Variants in ENGASE observed in about 807,000 individuals in gnomAD.
The protein encoded by ENGASE is cytosolic endo-beta-N-acetylglucosaminidase.
Under a neutral mutation model 78.5 loss-of-function variants are expected in ENGASE, and 69 were observed. The ratio of observed to expected loss-of-function variants is 0.88; its 90% confidence interval spans 0.72 to 1.07. ENGASE has a LOEUF of 1.07. Among genes scored for constraint, ENGASE ranks in the 50% least tolerant of loss-of-function variants. The probability of loss-of-function intolerance (pLI) is 0.00; values close to 1 mark genes in which losing one functional copy is unlikely to be tolerated. For missense variants in ENGASE, 943 were observed against 988.4 expected (o/e 0.95, Z 0.62); for synonymous variants, 408 against 408.9 (o/e 1.00, Z 0.03).
At position 79,081,894 on chromosome 17, in the gene ENGASE, T is replaced by C. The variant is rs754506733; in HGVS notation, c.873-4T>C. On this transcript the variant is annotated splice_polypyrimidine_tract_variant and splice_region_variant and intron_variant, in intron 6 of 13. Coordinates refer to ENST00000579016, the MANE Select transcript of ENGASE (RefSeq NM_001042573.3). ...CCTCACAGCAGGTCCTTGTTGCTTC[T>C]CAGGGTCTTCTTTGATTCCTGCGAC... The C allele has an allele frequency of 5.6e-6, 9 of 1,608,488 alleles. No homozygotes were observed. Among genetic ancestry groups the C allele is most frequent in the Non-Finnish European group, 7.6e-6 (9 of 1,176,592 alleles).
rs200250575 is a variant in ENGASE at position 79,082,010 on chromosome 17, G to A, written c.985G>A (p.Val329Met). The change falls in exon 7 of 14, where the codon GTG becomes ATG. Residue 329 changes from valine to methionine, a missense_variant. Transcript: ENST00000579016. Reference protein sequence around the residue: ...GERRADVYVGVDVFARGNVVG... With the variant: ...GERRADVYVGMDVFARGNVVG... ...GCGCCGGGCTGATGTGTACGTGGGC[G>A]TGGATGTGTTTGCTCGAGGGAACGT... The A allele has an allele frequency of 4.6e-4, 746 of 1,614,116 alleles. No homozygotes were observed. The highest frequency in any genetic ancestry group is 5.6e-4 in the Non-Finnish European group (662 of 1,180,038).
chr17:79,081,558 C>T (rs111384581), intron 6 of ENGASE, among the ~76,000 whole-genome samples: 10,196 of 151,918 alleles, frequency 0.067, 1,154 homozygotes, highest in African/African-American at 0.23. Flanking sequence ...GGATGCTGGG[C>T]GAGGGTTTCA....
Position 79,083,928 on chromosome 17 carries a change from G to T in ENGASE, c.1419G>T (p.Pro473=), listed in dbSNP as rs761156358. The stretch of plus-strand genomic sequence containing the variant: ...TGCTCGTCCGGGGTGTGATCCCACC[G>T]GAGGTTGGAAATGTGGCTGTGAGGT... ...SSLLVRGVIP[P]EVGNVAVRLF... Residue 473 remains proline, a synonymous_variant, in exon 10 of 14, where the codon CCG becomes CCT. Coordinates refer to ENST00000579016, the MANE Select transcript of ENGASE (RefSeq NM_001042573.3). This position sits in a 1 kb window ranked among gnomAD's most constrained non-coding sequence, Gnocchi z 4.9. 6.8e-6 allele frequency: 11 copies of T among 1,610,428 alleles called. No homozygotes were observed. The highest frequency in any genetic ancestry group is 2.0e-4 in the Middle Eastern group (1 of 4,900).
rs912016596 is a variant in ENGASE at position 79,083,301 on chromosome 17, C to T, written c.1142+178C>T. 3 of 692,886 alleles carry T rather than the reference C, an allele frequency of 4.3e-6. No homozygotes were observed. The highest frequency in any genetic ancestry group is 7.3e-6 in the Non-Finnish European group (3 of 413,126). 42.9% of individuals were successfully genotyped at this position (692,886 alleles called of 1,614,324 possible). A position where few individuals can be genotyped will look rare whatever the true frequency, so the allele number is the denominator to read the frequency against. ...GCTTCCGGGCAGGGACCAAACCCAGCGGCCGCTTCCTGCAGACTCGTGTTT... is the reference window on the plus strand; with the variant it reads ...GCTTCCGGGCAGGGACCAAACCCAGTGGCCGCTTCCTGCAGACTCGTGTTT... On this transcript the variant is annotated intron_variant, in intron 8 of 13. Coordinates refer to ENST00000579016, the MANE Select transcript of ENGASE (RefSeq NM_001042573.3). This position sits in a 1 kb window ranked among gnomAD's most constrained non-coding sequence, Gnocchi z 4.9.
intron 11 of ENGASE, 102 bp downstream of exon 11, chr17:79,084,788 A>G: frequency 7.6e-7 from 1 of 1,313,412 alleles, no homozygotes; most frequent in South Asian, 1.3e-5. Context: ...TGGTGTGGAC[A>G]GTGGGGGGGT....
intron 1 of ENGASE, chr17:79,075,684 G>A (rs1599328974): frequency 2.0e-6 from 2 of 985,288 alleles, no homozygotes; most frequent in Non-Finnish European, 2.4e-6. Context: ...CCCTCAGTAG[G>A]TTGCAGGGGG....
chr17:79,081,775 G>T lies in ENGASE; in HGVS notation c.873-123G>T, dbSNP rs1002874972. On this transcript the variant is annotated intron_variant, in intron 6 of 13. Transcript: ENST00000579016. ...GTGGGGTGGGGTGGGGTGGGGTGGG[G>T]TGGGGTGGGGTGGGCCCATCCCTCT... 4.0e-6 allele frequency: 5 copies of T among 1,253,216 alleles called. No homozygotes were observed. In the African/African-American group the frequency reaches 6.3e-5, roughly 16 times the overall value. The allele number at this position is 1,253,216 out of a possible 1,614,324, so 77.6% of individuals were successfully genotyped here.
At position 79,075,618 on chromosome 17, in the gene ENGASE, C is replaced by G. The variant is rs7214644; in HGVS notation, c.146+528C>G. The G allele has an allele frequency of 1.9e-4, 164 of 858,624 alleles. No individual in the cohort carries two copies. The African/African-American group carries it at 2.9e-3, about 15-fold the overall frequency. The allele number at this position is 858,624 out of a possible 1,614,324, so 53.2% of individuals were successfully genotyped here. A position where few individuals can be genotyped will look rare whatever the true frequency, so the allele number is the denominator to read the frequency against. On this transcript the variant is annotated intron_variant, in intron 1 of 13. Transcript: ENST00000579016. ...ACAGAGACAGAAAGGGACGAACATG[C>G]CCCTCTGGGCTGGGCTTCCTTCCTT...
chr17:79,086,246 A>G lies in ENGASE; in HGVS notation c.2129A>G (p.Asp710Gly), dbSNP rs768601324. Residue 710 changes from aspartate to glycine, a missense_variant, in exon 14 of 14, where the codon GAT (aspartate) becomes GGT (glycine). Asp to Gly is a moderately conservative substitution (Grantham distance 94, BLOSUM62 -1). Transcript: ENST00000579016. ...LLVEAAGPGQDRRMEFLVEPV... is the reference protein window; with the variant it reads ...LLVEAAGPGQGRRMEFLVEPV... ...GTGGAAGCCGCCGGGCCCGGCCAGG[A>G]TCGTCGCATGGAATTTCTGGTGGAG... 2 of 1,613,498 alleles carry G rather than the reference A, an allele frequency of 1.2e-6. No homozygotes were observed. Among genetic ancestry groups the G allele is most frequent in the South Asian group, 1.1e-5 (1 of 91,082 alleles).
chr17:79,083,481 G>A lies in ENGASE; in HGVS notation c.1143-1G>A. The stretch of plus-strand genomic sequence containing the variant: ...AGCTGTTGCCCCCATGTCTCTGGCA[G>A]GTTCTGGGGCCGACTGGAGCGTTAT... On this transcript the variant is annotated splice_acceptor_variant, in intron 8 of 13. Transcript: ENST00000579016. LOFTEE classifies it high-confidence loss of function. The surrounding 1 kb of genome is among the most constrained non-coding windows in gnomAD (Gnocchi z 4.9). The A allele has an allele frequency of 5.6e-6, 9 of 1,613,078 alleles. No homozygotes were observed. Among genetic ancestry groups the A allele is most frequent in the Non-Finnish European group, 7.6e-6 (9 of 1,179,146 alleles).
chr17:79,085,778 C>T (rs757064242), intron 13 of ENGASE, 44 bp downstream of exon 13: 15 of 1,606,366 alleles, frequency 9.3e-6, no homozygotes, highest in East Asian at 4.5e-5. Flanking sequence ...GCTGTTTGTC[C>T]AGCTGGAGTG....
In ENGASE at chr17:79,082,557, G is replaced by A. The variant is rs141861223; in HGVS notation, c.1039-463G>A. Reference sequence around the variant, plus strand: ...ACAGAGGAAGGAGCGGGGCCAGGCCGGTGCCCCTGGCGTGGGATGCGCAGG... The same window carrying A: ...ACAGAGGAAGGAGCGGGGCCAGGCCAGTGCCCCTGGCGTGGGATGCGCAGG... On this transcript the variant is annotated intron_variant, in intron 7 of 13. Coordinates refer to ENST00000579016, the MANE Select transcript of ENGASE (RefSeq NM_001042573.3). 639 of 1,224,162 alleles carry A rather than the reference G, an allele frequency of 5.2e-4. 1 individual carries two copies. Among genetic ancestry groups the A allele is most frequent in the East Asian group, 3.7e-3 (66 of 17,786 alleles). The allele number at this position is 1,224,162 out of a possible 1,614,324, so 75.8% of individuals were successfully genotyped here. A position where few individuals can be genotyped will look rare whatever the true frequency, so the allele number is the denominator to read the frequency against.
rs561966075 is a variant in ENGASE, at chr17:79,086,070, G to A, written c.1953G>A (p.Trp651Ter). The A allele has an allele frequency of 3.7e-5, 59 of 1,613,526 alleles. 1 individual carries two copies. In the South Asian group the frequency reaches 6.3e-4, roughly 17 times the overall value. ...ALLQLSCTLH[W>*]SFLLSQVRCF... ...TCCAGCTCAGCTGCACCCTGCACTGGTCCTTCCTCCTCTCACAAGTCCGTT... is the reference window on the plus strand; with the variant it reads ...TCCAGCTCAGCTGCACCCTGCACTGATCCTTCCTCCTCTCACAAGTCCGTT... The change falls in exon 14 of 14, where the codon TGG becomes TGA. Residue 651 changes from tryptophan (W) to a stop codon, truncating the protein, a stop_gained. Coordinates refer to ENST00000579016, the MANE Select transcript of ENGASE (RefSeq NM_001042573.3). LOFTEE classifies it low-confidence loss of function (END_TRUNC).
rs1302739863 is a variant in ENGASE, at chr17:79,083,066, C to T, written c.1085C>T (p.Ala362Val). The change falls in exon 8 of 14, where the codon GCC becomes GTC. Residue 362 changes from alanine (A) to valine (V), a missense_variant. Coordinates refer to ENST00000579016, the MANE Select transcript of ENGASE (RefSeq NM_001042573.3). This position sits in a 1 kb window ranked among gnomAD's most constrained non-coding sequence, Gnocchi z 4.9. ...RKHGFSVALF[A>V]PGWVYECLEK... ...CATGGCTTCTCCGTGGCTTTGTTTG[C>T]CCCCGGCTGGGTGTATGAGTGTCTG... is the stretch of plus-strand genomic sequence containing the variant. 6.2e-7 allele frequency: 1 copy of T among 1,613,854 alleles called. No homozygotes were observed. The highest frequency in any genetic ancestry group is 8.5e-7 in the Non-Finnish European group (1 of 1,179,970).
At position 79,082,039 on chromosome 17, in the gene ENGASE, C is replaced by T. The variant is rs753098384; in HGVS notation, c.1014C>T (p.Val338=). 10 of 1,614,208 alleles carry T rather than the reference C, an allele frequency of 6.2e-6. No homozygotes were observed. The highest frequency in any genetic ancestry group is 3.3e-5 in the South Asian group (3 of 91,084). ...GVDVFARGNV[V]GGRFDTDKSL... is the part of the protein sequence containing the mutation. ...ATGTGTTTGCTCGAGGGAACGTGGT[C>T]GGAGGCCGATTCGACACAGACAAGG... Residue 338 remains valine, a synonymous_variant, in exon 7 of 14, where the codon GTC becomes GTT. Transcript: ENST00000579016.
intron 10 of ENGASE, chr17:79,084,243 T>TCCCCCCCCCCCCCCCAACC: frequency 5.2e-6 from 1 of 193,868 alleles, no homozygotes; most frequent in Non-Finnish European, 8.8e-6. Context: ...CCCCCCATCC[T>TCCCCCCCCCCCCCCCAACC]CCCCCAGCCC....
rs1226867764 is a variant in ENGASE, at chr17:79,083,837, G to A, written c.1328G>A (p.Gly443Glu). Residue 443 changes from glycine to glutamate, a missense_variant, in exon 10 of 14, where the codon GGG (glycine) becomes GAG (glutamate). Gly to Glu is a moderately conservative substitution (Grantham distance 98, BLOSUM62 -2). Coordinates refer to ENST00000579016, the MANE Select transcript of ENGASE (RefSeq NM_001042573.3). The surrounding 1 kb of genome is among the most constrained non-coding windows in gnomAD (Gnocchi z 4.9). ...TTGTTTGGAGAACACAGGCTGGGAG[G>A]GGATGGCCGGGGCTGGGTGAGGACG... ...QPLFGEHRLG[G>E]DGRGWVRTHC... 24 of 1,612,806 alleles carry A rather than the reference G, an allele frequency of 1.5e-5. No individual in the cohort carries two copies. The highest frequency in any genetic ancestry group is 2.0e-5 in the Non-Finnish European group (24 of 1,179,752).
chr17:79,080,914 T>C lies in ENGASE; in HGVS notation c.724-11T>C. 1 of 1,607,322 alleles carries C rather than the reference T, an allele frequency of 6.2e-7. No homozygotes were observed. ...GCTCACTGAGGCTCTCACCTTGTTC[T>C]TCTCTTTCAGCTGGCCGCTGTGGGG... On this transcript the variant is annotated splice_polypyrimidine_tract_variant and intron_variant, in intron 5 of 13. Coordinates refer to ENST00000579016, the MANE Select transcript of ENGASE (RefSeq NM_001042573.3).
rs1041577525 is a variant in ENGASE, at chr17:79,077,489, C to T, written c.206C>T (p.Pro69Leu). The T allele has an allele frequency of 3.7e-5, 58 of 1,556,804 alleles. No individual in the cohort carries two copies. Among genetic ancestry groups the T allele is most frequent in the Non-Finnish European group, 4.8e-5 (56 of 1,155,822 alleles). ...FREVVSFSPD[P>L]LPVRYYDKDT... ...GAGGTGGTCAGTTTTTCCCCGGACC[C>T]CCTGCCAGGTGAGGAGACAGAGGCT... The change falls in exon 2 of 14, where the codon CCC becomes CTC. Residue 69 changes from proline to leucine, a missense_variant. Physicochemically the swap from Pro to Leu is moderately conservative, Grantham distance 98. Transcript: ENST00000579016.
Sources: gnomAD v4.1 joint callset for allele counts (sites outside exome capture counted in the v4.1 genomes callset) on GRCh38, gnomAD v4.1.1 for gene constraint, Gnocchi (gnomAD v3.1) non-coding constraint, MANE v1.5 for transcripts, NCBI Gene and HGNC (gene_info 2026-07-23, HGNC 2026-07-21) for gene names.